ZNF469: variants seen among roughly 807,000 people sequenced by gnomAD.
The protein encoded by ZNF469 is zinc finger protein 469.
In ZNF469, 1 loss-of-function variant was observed where a neutral mutation model predicts 1.0. The observed-to-expected ratio is 1.00, with a 90% CI of 0.35 to 4.73. ZNF469 has a LOEUF of 4.73. ZNF469 is among the 30% of genes most tolerant of loss of function. The probability of loss-of-function intolerance (pLI) is 0.16; values close to 1 mark genes in which losing one functional copy is unlikely to be tolerated. For missense variants in ZNF469, 6,100 were observed against 5,356.3 expected (o/e 1.14, Z -4.33); for synonymous variants, 2,703 against 2,363.4 (o/e 1.14, Z -4.17).
At chr16:88,192,877 ATGATGATGG>A in the ZNF469 span, among the ~76,000 whole-genome samples, 1 of 141,288 alleles carries the variant, frequency 7.1e-6, no homozygotes, top group Non-Finnish European at 1.5e-5. Flanking sequence ...GGTGGTGATG[ATGATGATGG>A]TGGTGGTGAT....
At chr16:88,317,655 C>A in the ZNF469 span, among the ~76,000 whole-genome samples, 1 of 152,244 alleles carries the variant, frequency 6.6e-6, no homozygotes, top group Non-Finnish European at 1.5e-5. Context: ...GGTGCAGAGG[C>A]CTTCTCTTTC....
chr16:88,243,545 T>G, the ZNF469 span, among the ~76,000 whole-genome samples: 1 of 152,126 alleles, frequency 6.6e-6, no homozygotes, highest in Non-Finnish European at 1.5e-5. Flanking sequence ...GAACTTGGGT[T>G]CCCAGGCGAG....
chr16:88,397,272 G>C (rs1256925939), intron 1 of ZNF469, among the ~76,000 whole-genome samples: 5 of 152,258 alleles, frequency 3.3e-5, no homozygotes, highest in Non-Finnish European at 7.3e-5. Flanking sequence ...ATGGCCCTGG[G>C]ATGGATGTGG....
chr16:88,199,861 C>G, the ZNF469 span, among the ~76,000 whole-genome samples: 1 of 152,214 alleles, frequency 6.6e-6, no homozygotes, highest in African/African-American at 2.4e-5. Context: ...TCCCACAGAT[C>G]AAGCCTCTCT....
the ZNF469 span, among the ~76,000 whole-genome samples, chr16:88,103,227 C>T: frequency 6.6e-6 from 1 of 152,146 alleles, no homozygotes; most frequent in African/African-American, 2.4e-5. Context: ...GCCTCTCGCC[C>T]AGTGTGGTGG....
chr16:88,206,253 C>G, the ZNF469 span, among the ~76,000 whole-genome samples: 1 of 152,214 alleles, frequency 6.6e-6, no homozygotes, highest in East Asian at 1.9e-4. Context: ...TGCCGTGGTC[C>G]CGGCCCCTCT....
chr16:88,269,914 G>C, the ZNF469 span, among the ~76,000 whole-genome samples: 1 of 151,984 alleles, frequency 6.6e-6, no homozygotes, highest in Non-Finnish European at 1.5e-5. Flanking sequence ...CCACGCCCTG[G>C]ACTCAGCCAC....
chr16:88,133,396 G>T, the ZNF469 span, among the ~76,000 whole-genome samples: 189 of 152,332 alleles, frequency 1.2e-3, 1 homozygote, highest in African/African-American at 3.8e-3. Flanking sequence ...CAGCCCCTGG[G>T]GCCTGTCAGG....
the ZNF469 span, among the ~76,000 whole-genome samples, chr16:88,353,054 A>G: frequency 6.6e-6 from 1 of 152,128 alleles, no homozygotes; most frequent in Non-Finnish European, 1.5e-5. Context: ...GGGCAGGGAG[A>G]GACCAGGCTC....
intron 1 of ZNF469, among the ~76,000 whole-genome samples, chr16:88,396,983 C>CG (rs1904699533): frequency 6.9e-6 from 1 of 144,858 alleles, no homozygotes; most frequent in Non-Finnish European, 1.5e-5. Context: ...GGAGGAGACC[C>CG]TCCTGAAGGG....
At chr16:88,251,098 A>G in the ZNF469 span, among the ~76,000 whole-genome samples, 1 of 152,158 alleles carries the variant, frequency 6.6e-6, no homozygotes, top group African/African-American at 2.4e-5. Context: ...GGCTGGTCTC[A>G]AATTCCTGAC....
the ZNF469 span, among the ~76,000 whole-genome samples, chr16:88,110,327 C>G: frequency 6.6e-6 from 1 of 152,116 alleles, no homozygotes; most frequent in African/African-American, 2.4e-5. Context: ...GCAGGTGGTC[C>G]GCTGCCAGTC....
intron 1 of ZNF469, among the ~76,000 whole-genome samples, chr16:88,393,161 G>A (rs891679795): frequency 1.3e-5 from 2 of 152,260 alleles, no homozygotes; most frequent in African/African-American, 4.8e-5. Flanking sequence ...CATTCTAAAC[G>A]CGGACCAGCC....
chr16:88,242,335 C>G, the ZNF469 span, among the ~76,000 whole-genome samples: 8 of 152,252 alleles, frequency 5.3e-5, no homozygotes, highest in African/African-American at 1.7e-4. Context: ...CATTTCTGCA[C>G]AGCTCTGGAG....
chr16:88,140,468 C>A, the ZNF469 span, among the ~76,000 whole-genome samples: 3 of 152,086 alleles, frequency 2.0e-5, no homozygotes, highest in Non-Finnish European at 4.4e-5. Flanking sequence ...CGGGGGGTAG[C>A]ACGGAAAGTC....
chr16:88,136,323 G>A, the ZNF469 span, among the ~76,000 whole-genome samples: 19 of 152,180 alleles, frequency 1.2e-4, no homozygotes, highest in African/African-American at 4.6e-4. Context: ...TTCTCACAAC[G>A]CTGATTTTCA....
rs951463134 is a variant in ZNF469 at position 88,439,591 on chromosome 16, G to C, written c.*259G>C. 2 of 530,284 alleles carry C rather than the reference G, an allele frequency of 3.8e-6. No homozygotes were observed. The highest frequency in any genetic ancestry group is 6.8e-6 in the Non-Finnish European group (2 of 293,708). 32.8% of individuals were successfully genotyped at this position (530,284 alleles called of 1,614,324 possible). A position where few individuals can be genotyped will look rare whatever the true frequency, so the allele number is the denominator to read the frequency against. On this transcript the variant is annotated 3_prime_UTR_variant, in exon 3 of 3. Coordinates refer to ENST00000565624, the MANE Select transcript of ZNF469 (RefSeq NM_001367624.2). ...TTGAGACCACACAGCTGTTTTCTTG[G>C]TACCAAGTACTTGAAGAGACAGCAG...
At chr16:88,410,229 G>A (rs1597197058) in intron 1 of ZNF469, among the ~76,000 whole-genome samples, 1 of 148,114 alleles carries the variant, frequency 6.8e-6, no homozygotes, top group Non-Finnish European at 1.5e-5. Context: ...AGTTCACGGT[G>A]ACGTCTATGA....
At position 88,438,009 on chromosome 16, in the gene ZNF469, G is replaced by A. The variant is rs759998900; in HGVS notation, c.10539G>A (p.Ser3513=). ...GSLPALLHLC[S]EVAPSTTKGW... ...TCCCGGCCCTGCTCCACCTGTGTTC[G>A]GAGGTGGCTCCCAGCACCACCAAGG... Residue 3513 remains serine, a synonymous_variant, in exon 3 of 3, where the codon TCG becomes TCA. Coordinates refer to ENST00000565624, the MANE Select transcript of ZNF469 (RefSeq NM_001367624.2). 12 of 1,549,552 alleles carry A rather than the reference G, an allele frequency of 7.7e-6. No homozygotes were observed. The highest frequency in any genetic ancestry group is 4.1e-5 in the African/African-American group (3 of 73,056).
Sources: gnomAD v4.1 joint callset for allele counts (sites outside exome capture counted in the v4.1 genomes callset) on GRCh38, gnomAD v4.1.1 for gene constraint, MANE v1.5 for transcripts, NCBI Gene and HGNC (gene_info 2026-07-23, HGNC 2026-07-21) for gene names.